PTPRG: variants seen among roughly 807,000 people sequenced by gnomAD.
PTPRG encodes receptor-type tyrosine-protein phosphatase gamma.
A neutral mutation model predicts 165.3 loss-of-function variants in PTPRG; 102 were observed. The ratio of observed to expected loss-of-function variants is 0.62; its 90% CI spans 0.53 to 0.73. The LOEUF (loss-of-function observed/expected upper bound fraction) is 0.73. Ranked by LOEUF, PTPRG falls within the 30% of genes least tolerant of loss-of-function variation. PTPRG has a pLI of 0.00. For missense variants in PTPRG, 1,866 were observed against 1,861.4 expected (o/e 1.00, Z -0.05); for synonymous variants, 675 against 669.5 (o/e 1.01, Z -0.13).
chr3:61,647,519 A>G (rs6445230), intron 1 of PTPRG, among the ~76,000 whole-genome samples: 151,865 of 152,232 alleles, frequency 1, 75,750 homozygotes, highest in Middle Eastern at 1. Context: ...GGCCGGGCAC[A>G]GTGGCTCACG....
In PTPRG at chr3:62,203,955, G is replaced by A. The variant is rs1266878777; in HGVS notation, c.2155+5G>A. On this transcript the variant is annotated splice_donor_5th_base_variant and intron_variant, in intron 12 of 29. Coordinates refer to ENST00000474889, the MANE Select transcript of PTPRG (RefSeq NM_002841.4). This position sits in a 1 kb window ranked among gnomAD's most constrained non-coding sequence, Gnocchi z 6.4. ...GATTTATCACTGTTAATCCAGGTAAGTGGTGCAGGTCTTCTTCGAGGGTTC... is the reference window on the plus strand; with the variant it reads ...GATTTATCACTGTTAATCCAGGTAAATGGTGCAGGTCTTCTTCGAGGGTTC... 2 of 1,553,648 alleles carry A rather than the reference G, an allele frequency of 1.3e-6. No homozygotes were observed. Among genetic ancestry groups the A allele is most frequent in the East Asian group, 2.3e-5 (1 of 44,136 alleles).
chr3:62,277,789 T>A, intron 26 of PTPRG, 110 bp downstream of exon 26: 9 of 1,300,362 alleles, frequency 6.9e-6, no homozygotes, highest in Non-Finnish European at 9.4e-6. Flanking sequence ...AGGGAGGGAA[T>A]TTAAAATTTT....
chr3:61,564,100 A>T (rs1238028598), intron 1 of PTPRG, among the ~76,000 whole-genome samples: 3 of 152,126 alleles, frequency 2.0e-5, no homozygotes, highest in Non-Finnish European at 4.4e-5. Context: ...CCTCTACGGT[A>T]GTGTAGGCCA....
chr3:62,186,311 G>A (rs773948923), intron 8 of PTPRG, among the ~76,000 whole-genome samples: 1 of 152,112 alleles, frequency 6.6e-6, no homozygotes, highest in Admixed American at 6.5e-5. Context: ...AATGGAGGAC[G>A]CTCAAAACAG....
At chr3:61,672,493 G>A (rs934296104) in intron 1 of PTPRG, among the ~76,000 whole-genome samples, 12 of 148,126 alleles carry the variant, frequency 8.1e-5, no homozygotes, top group Admixed American at 4.0e-4. Flanking sequence ...CGAGGCTGGC[G>A]GATCACTCGC....
chr3:61,786,564 A>C (rs1249932369), intron 2 of PTPRG, among the ~76,000 whole-genome samples: 1 of 152,222 alleles, frequency 6.6e-6, no homozygotes, highest in African/African-American at 2.4e-5. Context: ...CGTAGCGAAG[A>C]GTTAGAAAAG....
At chr3:62,110,043 G>A (rs1372187884) in intron 5 of PTPRG, among the ~76,000 whole-genome samples, 1 of 133,506 alleles carries the variant, frequency 7.5e-6, no homozygotes, top group East Asian at 2.4e-4. Flanking sequence ...TGAGTTCTTA[G>A]TTTCTTCCTT....
intron 4 of PTPRG, among the ~76,000 whole-genome samples, chr3:62,069,684 T>TCTCTCTCTCTCTCTCTCTCACATACA: frequency 6.9e-6 from 1 of 145,070 alleles, no homozygotes; most frequent in East Asian, 2.2e-4. Context: ...TCTCTCTCTC[T>TCTCTCTCTCTCTCTCTCTCACATACA]CACACACAGA....
intron 1 of PTPRG, among the ~76,000 whole-genome samples, chr3:61,714,893 T>C (rs747145000): frequency 5.6e-4 from 86 of 152,358 alleles, no homozygotes; most frequent in Admixed American, 9.8e-4. Flanking sequence ...GGTACCTGAG[T>C]CTAATCCTGA....
intron 4 of PTPRG, among the ~76,000 whole-genome samples, chr3:62,036,983 G>GCGCACACACACACACACACACA (rs145992725): frequency 6.6e-6 from 1 of 150,456 alleles, no homozygotes; most frequent in African/African-American, 2.4e-5. Context: ...GCGCGCGCAC[G>GCGCACACACACACACACACACA]CACACACACA....
chr3:62,044,206 A>G (rs1043449919), intron 4 of PTPRG, among the ~76,000 whole-genome samples: 17 of 152,240 alleles, frequency 1.1e-4, no homozygotes, highest in African/African-American at 3.9e-4. Context: ...ACTACTGAGC[A>G]AGTCACTTAA....
chr3:62,186,815 C>T (rs1012706259), intron 8 of PTPRG, among the ~76,000 whole-genome samples: 2 of 152,224 alleles, frequency 1.3e-5, no homozygotes, highest in East Asian at 3.9e-4. Context: ...GATCCACCCA[C>T]CATGGCCTCC....
intron 1 of PTPRG, among the ~76,000 whole-genome samples, chr3:61,748,045 T>C (rs2033281209): frequency 6.6e-6 from 1 of 152,042 alleles, no homozygotes; most frequent in Non-Finnish European, 1.5e-5. Flanking sequence ...CCATAATGGG[T>C]GAGAGTAGTA....
At chr3:62,076,732 C>T (rs13319793) in intron 4 of PTPRG, among the ~76,000 whole-genome samples, 4,246 of 151,954 alleles carry the variant, frequency 0.028, 188 homozygotes, top group African/African-American at 0.098. Context: ...CAGGCATGCA[C>T]CACCATGCCT....
chr3:61,609,773 C>G (rs1401407646), intron 1 of PTPRG, among the ~76,000 whole-genome samples: 1 of 152,020 alleles, frequency 6.6e-6, no homozygotes, highest in Non-Finnish European at 1.5e-5. Context: ...GTGGGAGGAT[C>G]ACTTGAGTCT....
chr3:61,736,444 A>C (rs2032726227), intron 1 of PTPRG, among the ~76,000 whole-genome samples: 1 of 147,480 alleles, frequency 6.8e-6, no homozygotes, highest in African/African-American at 2.5e-5. Context: ...ATTCTCATTA[A>C]CTATTATCTT....
At chr3:61,819,656 A>G (rs912402975) in intron 2 of PTPRG, among the ~76,000 whole-genome samples, 4 of 152,178 alleles carry the variant, frequency 2.6e-5, no homozygotes, top group African/African-American at 4.8e-5. Flanking sequence ...ACATCTATCA[A>G]TTTACAGAAA....
At chr3:61,939,929 T>C (rs1308065339) in intron 2 of PTPRG, among the ~76,000 whole-genome samples, 2 of 13,288 alleles carry the variant, frequency 1.5e-4, no homozygotes, top group African/African-American at 3.4e-4. Context: ...CTGACTTGTC[T>C]TTTTTTTTTT....
intron 4 of PTPRG, among the ~76,000 whole-genome samples, chr3:62,032,367 C>G (rs1219309424): frequency 6.6e-6 from 1 of 152,164 alleles, no homozygotes; most frequent in Non-Finnish European, 1.5e-5. Flanking sequence ...TAGATTTAGT[C>G]AATATGGATT....
Sources: allele counts gnomAD v4.1 joint callset (sites outside exome capture counted in the v4.1 genomes callset), GRCh38; gene constraint gnomAD v4.1.1; non-coding constraint Gnocchi (gnomAD v3.1); transcripts MANE v1.5; gene names NCBI Gene and HGNC (gene_info 2026-07-23, HGNC 2026-07-21).